RBBP7: variants seen among roughly 807,000 people sequenced by gnomAD.
RBBP7 encodes the protein histone-binding protein RBBP7.
A neutral mutation model predicts 35.2 loss-of-function variants in RBBP7; 5 were observed. The observed-to-expected ratio is 0.14, with a 90% CI of 0.07 to 0.30. RBBP7 has a LOEUF of 0.30. RBBP7 is among the 10% of genes least tolerant of loss of function. RBBP7 has a pLI of 1.00. For missense variants in RBBP7, 155 were observed against 327.5 expected, an observed-to-expected ratio of 0.47 and a Z score of 4.07; for synonymous variants, 140 against 118.7, an observed-to-expected ratio of 1.18 and a Z score of -1.17.
intron 2 of RBBP7, among the ~76,000 whole-genome samples, chrX:16,864,353 C>CT (rs1481345308): frequency 9.1e-6 from 1 of 110,053 alleles, no homozygotes; most frequent in Non-Finnish European, 1.9e-5. Flanking sequence ...AACCCCATCT[C>CT]TATTAAAAAT....
intron 9 of RBBP7, among the ~76,000 whole-genome samples, chrX:16,851,833 A>T (rs1443918978): frequency 8.9e-6 from 1 of 112,547 alleles, no homozygotes; most frequent in Non-Finnish European, 1.9e-5. Context: ...TAAGAGACAA[A>T]ACTCACACTA....
chrX:16,855,637 G>C (rs1329278563), intron 5 of RBBP7, among the ~76,000 whole-genome samples: 1 of 110,416 alleles, frequency 9.1e-6, no homozygotes. Context: ...TCTTCAAAAG[G>C]TACTAGTAAT....
At chrX:16,846,665 G>A (rs1394991549) in intron 10 of RBBP7, 2 of 112,077 alleles carry the variant, frequency 1.8e-5, no homozygotes, top group Non-Finnish European at 3.8e-5. Context: ...TTAGAATTAA[G>A]ATTTAAACGA....
intron 3 of RBBP7, among the ~76,000 whole-genome samples, chrX:16,862,188 C>T (rs1356805228): frequency 2.7e-5 from 3 of 111,831 alleles, no homozygotes; most frequent in African/African-American, 6.5e-5. Context: ...CTGAACTTGC[C>T]GATGTACATC....
intron 10 of RBBP7, chrX:16,847,836 G>C (rs1427230686): frequency 3.6e-5 from 4 of 110,866 alleles, no homozygotes; most frequent in Non-Finnish European, 7.6e-5. Flanking sequence ...AAAGTGCTGG[G>C]ATTCCAGGCA....
chrX:16,858,884 C>T, intron 3 of RBBP7, 35 bp from the exon 4 acceptor site: 7 of 1,196,246 alleles, frequency 5.9e-6, no homozygotes, highest in Non-Finnish European at 7.9e-6. Flanking sequence ...CACACACACA[C>T]TCAGGATTAA....
chrX:16,858,319 G>C (rs922172743), intron 4 of RBBP7, among the ~76,000 whole-genome samples: 1 of 111,914 alleles, frequency 8.9e-6, no homozygotes, highest in Non-Finnish European at 1.9e-5. Flanking sequence ...GCTGCCCTGG[G>C]TAGAGACATT....
intron 3 of RBBP7, 139 bp downstream of exon 3, chrX:16,862,816 G>T: frequency 1.5e-6 from 1 of 646,791 alleles, no homozygotes; most frequent in Non-Finnish European, 2.3e-6. Flanking sequence ...TTGTGCACAT[G>T]TGGGTGGGAA....
chrX:16,862,982 C>T lies in RBBP7; in HGVS notation c.280G>A (p.Ala94Thr). Residue 94 changes from alanine (A) to threonine (T), a missense_variant, in exon 3 of 12, where the codon GCT becomes ACT. Physicochemically the swap from Ala to Thr is moderately conservative, Grantham distance 58. Coordinates refer to ENST00000380087, the MANE Select transcript of RBBP7 (RefSeq NM_002893.4). ...CCCTTGTCACTGTCACAATGGGAAG[C>T]ATCAAACTGTGCATCATCATTGGGA... ...HIPNDDAQFD[A>T]SHCDSDKGEF... The T allele has an allele frequency of 8.3e-7, 1 of 1,211,263 alleles. No individual in the cohort carries two copies. Among genetic ancestry groups the T allele is most frequent in the Non-Finnish European group, 1.1e-6 (1 of 895,134 alleles).
intron 2 of RBBP7, among the ~76,000 whole-genome samples, chrX:16,866,764 A>G (rs1311833991): frequency 9.1e-6 from 1 of 109,820 alleles, no homozygotes; most frequent in Non-Finnish European, 1.9e-5. Flanking sequence ...CAACATTTTT[A>G]CTGTTCTGTA....
In RBBP7 at chrX:16,845,810, A is replaced by G. The variant is rs1930062691; in HGVS notation, c.1209+18T>C. 11 of 1,193,377 alleles carry G rather than the reference A, an allele frequency of 9.2e-6. No homozygotes were observed. The highest frequency in any genetic ancestry group is 1.2e-5 in the Non-Finnish European group (11 of 887,562). On this transcript the variant is annotated intron_variant, in intron 11 of 11. Transcript: ENST00000380087. ...CTCCTTTACAAGACAGTCATTCAAG[A>G]AAAACATTTTAACTCACCATTTGCC...
intron 10 of RBBP7, chrX:16,848,895 T>C (rs1396401683): frequency 1.4e-5 from 2 of 138,878 alleles, no homozygotes; most frequent in Non-Finnish European, 2.8e-5. Context: ...CATTTAAAAT[T>C]TTTTCTATAC....
Position 16,844,681 on chromosome X carries a change from A to C in RBBP7, c.*354T>G, listed in dbSNP as rs779457169. On this transcript the variant is annotated 3_prime_UTR_variant, in exon 12 of 12. Coordinates refer to ENST00000380087, the MANE Select transcript of RBBP7 (RefSeq NM_002893.4). The stretch of plus-strand genomic sequence containing the variant: ...TTTAAAACTTTATTTCTGCAAAGCC[A>C]ATCAAGAAGTGTTGGAAGGAAAAAG... 15 of 122,435 alleles carry C rather than the reference A, an allele frequency of 1.2e-4. No individual in the cohort carries two copies. Among genetic ancestry groups the C allele is most frequent in the Admixed American group, 9.4e-5 (1 of 10,596 alleles). The allele number at this position is 122,435 out of a possible 1,213,427, so 10.1% of individuals were successfully genotyped here.
chrX:16,867,018 T>A (rs769477889), intron 2 of RBBP7, among the ~76,000 whole-genome samples: 10 of 111,832 alleles, frequency 8.9e-5, no homozygotes, highest in Admixed American at 1.9e-4. Flanking sequence ...AACATTTTTT[T>A]AAAAAAAACT....
intron 1 of RBBP7, chrX:16,869,673 G>A (rs745626812): frequency 2.4e-5 from 26 of 1,071,305 alleles, no homozygotes; most frequent in Non-Finnish European, 3.0e-5. Flanking sequence ...CCCCGGACAA[G>A]GGCCGCGACC....
At chrX:16,864,526 C>CAAAAAAAAAAAAAAA (rs61357554) in intron 2 of RBBP7, among the ~76,000 whole-genome samples, 2 of 26,227 alleles carry the variant, frequency 7.6e-5, no homozygotes, top group Non-Finnish European at 6.2e-5. Context: ...ACTCCGTCTC[C>CAAAAAAAAAAAAAAA]AAAAAAAAAA....
chrX:16,863,951 T>G (rs1050579299), intron 2 of RBBP7, among the ~76,000 whole-genome samples: 2 of 111,236 alleles, frequency 1.8e-5, no homozygotes, highest in African/African-American at 6.5e-5. Context: ...GACTGAGAAG[T>G]AGGGGTCTAG....
At chrX:16,867,706 G>A (rs1930659395) in intron 2 of RBBP7, among the ~76,000 whole-genome samples, 1 of 110,997 alleles carries the variant, frequency 9.0e-6, no homozygotes, top group Non-Finnish European at 1.9e-5. Context: ...ATGGAGTCTC[G>A]CTCTCGCCCA....
chrX:16,855,098 G>T (rs1930318036), intron 5 of RBBP7, among the ~76,000 whole-genome samples: 1 of 105,446 alleles, frequency 9.5e-6, no homozygotes, highest in South Asian at 4.3e-4. Flanking sequence ...TGCCTAGGCT[G>T]GAATGCAAGG....
Sources: allele counts gnomAD v4.1 joint callset (sites outside exome capture counted in the v4.1 genomes callset), GRCh38; gene constraint gnomAD v4.1.1; transcripts MANE v1.5; gene names NCBI Gene and HGNC (gene_info 2026-07-23, HGNC 2026-07-21).